SPMIP2: variants seen among roughly 807,000 people sequenced by gnomAD.
SPMIP2 encodes protein SPMIP2.
At chr4:159,022,704 C>G in the SPMIP2 span, among the ~76,000 whole-genome samples, 1 of 152,172 alleles carries the variant, frequency 6.6e-6, no homozygotes, top group Non-Finnish European at 1.5e-5. Context: ...TTGTGGTTAG[C>G]TCAGAGTCCC....
At chr4:158,978,110 G>A in the SPMIP2 span, among the ~76,000 whole-genome samples, 2 of 152,138 alleles carry the variant, frequency 1.3e-5, no homozygotes, top group Admixed American at 1.3e-4. Flanking sequence ...GAGATTCTGG[G>A]AAGTTGTGTC....
chr4:158,916,846 G>T, the SPMIP2 span, among the ~76,000 whole-genome samples: 25 of 152,184 alleles, frequency 1.6e-4, 1 homozygote, highest in Admixed American at 6.5e-4. Context: ...GTTTCACCAT[G>T]TCGACCAAGC....
At chr4:159,066,441 A>G in the SPMIP2 span, among the ~76,000 whole-genome samples, 1 of 151,998 alleles carries the variant, frequency 6.6e-6, no homozygotes, top group African/African-American at 2.4e-5. Context: ...GCTAAAACCA[A>G]CACCTCTGCA....
chr4:159,021,717 T>G, the SPMIP2 span, among the ~76,000 whole-genome samples: 1 of 152,186 alleles, frequency 6.6e-6, no homozygotes, highest in Non-Finnish European at 1.5e-5. Context: ...TTTAGCTCAC[T>G]TACAAGGGAG....
the SPMIP2 span, among the ~76,000 whole-genome samples, chr4:158,938,059 A>T: frequency 6.6e-6 from 1 of 152,362 alleles, no homozygotes; most frequent in South Asian, 2.1e-4. Flanking sequence ...TATGGACAAA[A>T]CTATTTTGCA....
chr4:158,894,366 C>G, the SPMIP2 span, among the ~76,000 whole-genome samples: 1 of 151,926 alleles, frequency 6.6e-6, no homozygotes, highest in Non-Finnish European at 1.5e-5. Flanking sequence ...GAGACAGAGG[C>G]TCACTATGTT....
the SPMIP2 span, among the ~76,000 whole-genome samples, chr4:158,957,616 AG>A: frequency 6.6e-6 from 1 of 152,148 alleles, no homozygotes; most frequent in African/African-American, 2.4e-5. Flanking sequence ...TAGTACAGAC[AG>A]GGTTTCACCA....
the SPMIP2 span, among the ~76,000 whole-genome samples, chr4:158,981,071 A>G: frequency 1.3e-5 from 2 of 152,236 alleles, no homozygotes; most frequent in Admixed American, 1.3e-4. Context: ...ACAAGTATCA[A>G]TAGCCGAATC....
At chr4:159,060,773 C>T in the SPMIP2 span, among the ~76,000 whole-genome samples, 1 of 152,096 alleles carries the variant, frequency 6.6e-6, no homozygotes, top group Non-Finnish European at 1.5e-5. Flanking sequence ...AATTACCATT[C>T]ATAGAGTAGT....
chr4:159,031,995 G>A, the SPMIP2 span, among the ~76,000 whole-genome samples: 1 of 152,200 alleles, frequency 6.6e-6, no homozygotes, highest in Admixed American at 6.5e-5. Flanking sequence ...GCTGAGGCGG[G>A]CAGATCACCG....
the SPMIP2 span, among the ~76,000 whole-genome samples, chr4:159,059,057 A>T: frequency 9.9e-5 from 15 of 152,256 alleles, no homozygotes; most frequent in Non-Finnish European, 2.2e-4. Flanking sequence ...GAGAGCTTAA[A>T]TTCTAAAATG....
chr4:158,943,860 T>A, the SPMIP2 span, among the ~76,000 whole-genome samples: 1 of 133,924 alleles, frequency 7.5e-6, no homozygotes, highest in Non-Finnish European at 1.6e-5. Context: ...GACATTTTCT[T>A]TTTTTTTTTT....
At chr4:158,895,646 A>T in the SPMIP2 span, 1 of 715,710 alleles carries the variant, frequency 1.4e-6, no homozygotes, top group East Asian at 2.7e-5. Flanking sequence ...AACTGATGAG[A>T]TAAAAGCTGT....
the SPMIP2 span, among the ~76,000 whole-genome samples, chr4:158,945,354 C>T: frequency 2.6e-5 from 4 of 152,130 alleles, no homozygotes; most frequent in Non-Finnish European, 4.4e-5. Flanking sequence ...CCTATGTGCC[C>T]ACTCTCCCCC....
the SPMIP2 span, among the ~76,000 whole-genome samples, chr4:158,915,981 G>A: frequency 3.3e-5 from 5 of 151,086 alleles, no homozygotes; most frequent in Admixed American, 3.3e-4. Context: ...TTGTTTCTTA[G>A]AGAGCCTCTT....
At chr4:159,052,074 C>T in the SPMIP2 span, among the ~76,000 whole-genome samples, 1 of 152,038 alleles carries the variant, frequency 6.6e-6, no homozygotes, top group African/African-American at 2.4e-5. Flanking sequence ...TGCAAGATTC[C>T]CCCCAGAAAG....
chr4:159,030,475 A>C, the SPMIP2 span, among the ~76,000 whole-genome samples: 1 of 101,260 alleles, frequency 9.9e-6, no homozygotes, highest in African/African-American at 3.9e-5. Flanking sequence ...TTATTTATTT[A>C]TTTATTTATT....
At chr4:158,913,862 GAC>G in the SPMIP2 span, among the ~76,000 whole-genome samples, 1 of 148,618 alleles carries the variant, frequency 6.7e-6, no homozygotes, top group South Asian at 2.1e-4. Context: ...AAAAAAAAAA[GAC>G]AAGAGAAGTT....
At chr4:158,898,297 C>T in the SPMIP2 span, among the ~76,000 whole-genome samples, 1 of 152,140 alleles carries the variant, frequency 6.6e-6, no homozygotes, top group Non-Finnish European at 1.5e-5. Flanking sequence ...GTTCTTTTTG[C>T]TTAGGATTGC....
Sources: allele counts gnomAD v4.1 joint callset (sites outside exome capture counted in the v4.1 genomes callset), GRCh38; gene constraint gnomAD v4.1.1; transcripts MANE v1.5; gene names NCBI Gene and HGNC (gene_info 2026-07-23, HGNC 2026-07-21).